The following RNF111 variants were observed in gnomAD, a reference collection of about 807,000 sequenced individuals.
RNF111 encodes E3 ubiquitin-protein ligase Arkadia.
RNF111 carries 17 observed loss-of-function variants against 95.1 expected under a neutral mutation model. That is an observed-to-expected ratio of 0.18 (90% CI 0.12 to 0.27). The LOEUF (loss-of-function observed/expected upper bound fraction) is 0.27, where lower values mean the gene tolerates loss of function less well. RNF111 is among the 10% of genes least tolerant of loss of function. RNF111 has a pLI of 1.00. For missense variants in RNF111, 1,189 were observed against 1,210.4 expected (o/e 0.98, Z 0.26); for synonymous variants, 440 against 414.8 (o/e 1.06, Z -0.74).
intron 8 of RNF111, among the ~76,000 whole-genome samples, chr15:59,083,644 T>C (rs927825048): frequency 6.6e-6 from 1 of 152,222 alleles, no homozygotes; most frequent in African/African-American, 2.4e-5. Context: ...TGTTTTCTCT[T>C]AAACTTTCAT....
At chr15:59,010,813 A>C (rs1292840924) in intron 1 of RNF111, among the ~76,000 whole-genome samples, 7 of 152,214 alleles carry the variant, frequency 4.6e-5, no homozygotes, top group African/African-American at 1.7e-4. Flanking sequence ...GGAGCTTAGT[A>C]TTAATGTTGA....
At chr15:59,068,188 C>G (rs1225730511) in intron 6 of RNF111, among the ~76,000 whole-genome samples, 1 of 151,932 alleles carries the variant, frequency 6.6e-6, no homozygotes, top group Non-Finnish European at 1.5e-5. Flanking sequence ...CCATTGCACT[C>G]CAGCCTGGGC....
chr15:59,066,645 CA>C, intron 5 of RNF111, 118 bp from the exon 6 acceptor site: 1 of 827,634 alleles, frequency 1.2e-6, no homozygotes, highest in Non-Finnish European at 1.9e-6. Flanking sequence ...ACATTATTTA[CA>C]GAGATTTGAA....
chr15:59,031,021 CTG>C lies in RNF111; in HGVS notation c.204_205del (p.Cys68Ter), dbSNP rs1308558340. The C allele has an allele frequency of 6.2e-7, 1 of 1,614,046 alleles. No homozygotes were observed. Among genetic ancestry groups the C allele is most frequent in the African/African-American group, 1.3e-5 (1 of 74,918 alleles). ...NSKVGNEFSH[L>X]CDDSQKQEKE... Reference sequence around the variant, plus strand: ...TAAAGTGGGGAATGAATTCTCTCACCTGTGTGATGATTCTCAAAAGCAAGAGA... The same window carrying C: ...TAAAGTGGGGAATGAATTCTCTCACCTGTGATGATTCTCAAAAGCAAGAGA... On this transcript the variant is annotated frameshift_variant, in exon 2 of 14. Coordinates refer to ENST00000348370, the MANE Select transcript of RNF111 (RefSeq NM_017610.8). LOFTEE classifies it high-confidence loss of function.
Position 59,026,015 on chromosome 15 carries a change from C to T in RNF111, c.-19-4789C>T, listed in dbSNP as rs545462454. Among the ~76,000 whole-genome samples the T allele has an allele frequency of 2.0e-5, 3 of 151,792 alleles. No homozygotes were observed. In the East Asian group the frequency reaches 5.8e-4, roughly 29 times the overall value. On this transcript the variant is annotated intron_variant, in intron 1 of 13. Coordinates refer to ENST00000348370, the MANE Select transcript of RNF111 (RefSeq NM_017610.8). ...AAAGTGCTGGGATTACAGGCGTGAG[C>T]CACTGTGCCCGGCCGGCTTTTTTTT...
At chr15:59,093,087 G>A (rs2079097241) in intron 13 of RNF111, among the ~76,000 whole-genome samples, 1 of 152,164 alleles carries the variant, frequency 6.6e-6, no homozygotes, top group African/African-American at 2.4e-5. Flanking sequence ...ACGTAGAACT[G>A]GCTTCATCTG....
chr15:59,064,387 T>A (rs1384293925), intron 5 of RNF111, among the ~76,000 whole-genome samples: 1 of 151,630 alleles, frequency 6.6e-6, no homozygotes, highest in African/African-American at 2.4e-5. Flanking sequence ...TACAAAAAAA[T>A]TAGCCGGGCT....
At chr15:59,028,111 C>A (rs1371089340) in intron 1 of RNF111, among the ~76,000 whole-genome samples, 1 of 152,192 alleles carries the variant, frequency 6.6e-6, no homozygotes, top group Non-Finnish European at 1.5e-5. Flanking sequence ...GGCCACCGCG[C>A]CTGGCCAGAA....
chr15:59,094,689 C>T, intron 13 of RNF111, 94 bp from the exon 14 acceptor site: 1 of 752,842 alleles, frequency 1.3e-6, no homozygotes, highest in South Asian at 1.4e-5. Flanking sequence ...TTAGTACCTT[C>T]AAAACATTAT....
intron 1 of RNF111, among the ~76,000 whole-genome samples, chr15:59,020,180 ATATAC>A (rs1464795032): frequency 1.3e-5 from 2 of 149,034 alleles, no homozygotes; most frequent in African/African-American, 2.4e-5. Flanking sequence ...TAATATGCAA[ATATAC>A]TATATATTTT....
chr15:59,013,300 G>A (rs1311371779), intron 1 of RNF111, among the ~76,000 whole-genome samples: 3 of 152,088 alleles, frequency 2.0e-5, no homozygotes, highest in Admixed American at 1.3e-4. Flanking sequence ...CCCATTACAC[G>A]TTTGTCATGA....
rs188638210 is a variant in RNF111, at chr15:59,055,833, G to A, written c.1159G>A (p.Val387Ile). 49 of 1,608,184 alleles carry A rather than the reference G, an allele frequency of 3.0e-5. No homozygotes were observed. The highest frequency in any genetic ancestry group is 2.9e-4 in the Admixed American group (17 of 59,066). Residue 387 changes from valine (V) to isoleucine (I), a missense_variant, in exon 4 of 14, where the codon GTT (valine) becomes ATT (isoleucine). Val to Ile is a conservative substitution (Grantham distance 29). Around this residue, in one of 2 missense-constraint regions of RNF111, gnomAD observed 1,024 missense variants for 925.9 expected, o/e 1.11. Coordinates refer to ENST00000348370, the MANE Select transcript of RNF111 (RefSeq NM_017610.8). ...TGCAGCAGAAGTTGTGGACCTTACCGTTGATGAAGATGGTAAATTGAAGTA... is the reference window on the plus strand; with the variant it reads ...TGCAGCAGAAGTTGTGGACCTTACCATTGATGAAGATGGTAAATTGAAGTA... The part of the protein sequence containing the change: ...QNAAEVVDLT[V>I]DEDEPTVVPT...
At chr15:59,071,230 C>T (rs965723859) in intron 6 of RNF111, among the ~76,000 whole-genome samples, 3 of 143,178 alleles carry the variant, frequency 2.1e-5, no homozygotes, top group East Asian at 4.2e-4. Context: ...ACCCGGGAGG[C>T]GGAGCTTGCA....
At chr15:59,054,567 A>G (rs1221450978) in intron 3 of RNF111, among the ~76,000 whole-genome samples, 2 of 152,176 alleles carry the variant, frequency 1.3e-5, no homozygotes, top group Non-Finnish European at 2.9e-5. Flanking sequence ...TCTTGGCTCA[A>G]GCTATACCAC....
chr15:59,024,626 C>A (rs2040509913), intron 1 of RNF111, among the ~76,000 whole-genome samples: 3 of 152,170 alleles, frequency 2.0e-5, no homozygotes, highest in Admixed American at 1.3e-4. Context: ...AGTGACTTTA[C>A]TAGCCTTTCC....
intron 1 of RNF111, among the ~76,000 whole-genome samples, chr15:59,023,079 T>A (rs1424158311): frequency 6.6e-6 from 1 of 152,150 alleles, no homozygotes; most frequent in Non-Finnish European, 1.5e-5. Context: ...AAACCCTGTC[T>A]CTACTAAAAA....
intron 1 of RNF111, among the ~76,000 whole-genome samples, chr15:59,004,537 A>G (rs1322319225): frequency 6.6e-6 from 1 of 152,210 alleles, no homozygotes; most frequent in Non-Finnish European, 1.5e-5. Flanking sequence ...AAAGTAGCTG[A>G]CATCAGTATG....
At position 59,089,685 on chromosome 15, in the gene RNF111, T is replaced by C; in HGVS notation, c.2569T>C (p.Tyr857His). 6.2e-7 allele frequency: 1 copy of C among 1,613,476 alleles called. No homozygotes were observed. The highest frequency in any genetic ancestry group is 8.5e-7 in the Non-Finnish European group (1 of 1,179,738). The change falls in exon 11 of 14, where the codon TAT (tyrosine) becomes CAT (histidine). Residue 857 changes from tyrosine to histidine, a missense_variant. Physicochemically the swap from Tyr to His is moderately conservative, Grantham distance 83 (BLOSUM62 2). Transcript: ENST00000348370. The stretch of plus-strand genomic sequence containing the variant: ...GAAATAGGTTCCTGATATGGCAGGC[T>C]ATCCTCACATCCGTTACATTTCATC... The part of the protein sequence containing the change: ...LPLMVPDMAG[Y>H]PHIRYISSGL...
At position 59,067,125 on chromosome 15, in the gene RNF111, G is replaced by GTCTC. The variant is rs146735071; in HGVS notation, c.1686+55_1686+58dup. On this transcript the variant is annotated intron_variant, in intron 6 of 13. Coordinates refer to ENST00000348370, the MANE Select transcript of RNF111 (RefSeq NM_017610.8). ...TCAGTCTTTCTTTCCTGCCCCTCTT[G>GTCTC]TCTCTCTCTCTCTCTCCTTCTCCCT... 9.0e-6 allele frequency: 13 copies of GTCTC among 1,449,314 alleles called. No homozygotes were observed. The South Asian group carries it at 1.5e-4, about 16-fold the overall frequency. 89.8% of individuals were successfully genotyped at this position (1,449,314 alleles called of 1,614,324 possible).
Sources: gnomAD v4.1 joint callset for allele counts (sites outside exome capture counted in the v4.1 genomes callset) on GRCh38, gnomAD v4.1.1 for gene constraint, gnomAD v4.1.1 regional missense constraint, MANE v1.5 for transcripts, NCBI Gene and HGNC (gene_info 2026-07-23, HGNC 2026-07-21) for gene names.